Variants in TRPV3 observed in about 807,000 individuals in gnomAD.
TRPV3 encodes VRL-3.
A neutral mutation model predicts 87.1 loss-of-function variants in TRPV3; 88 were observed. That is an observed-to-expected ratio of 1.01 (90% CI 0.85 to 1.21). TRPV3 has a LOEUF of 1.21. Ranked by LOEUF, TRPV3 falls within the 50% of genes most tolerant of loss-of-function variation. The pLI is 0.00. For missense variants in TRPV3, 1,054 were observed against 1,030.1 expected (o/e 1.02, Z -0.32); for synonymous variants, 438 against 423.3 (o/e 1.03, Z -0.43).
intron 8 of TRPV3, 145 bp downstream of exon 8, chr17:3,532,512 C>T: frequency 1.8e-6 from 2 of 1,085,812 alleles, no homozygotes; most frequent in Non-Finnish European, 2.6e-6. Flanking sequence ...CGCCACGCCA[C>T]TGCAGTTCTG....
At chr17:3,517,439 T>G (rs2074192657) in intron 15 of TRPV3, among the ~76,000 whole-genome samples, 1 of 151,312 alleles carries the variant, frequency 6.6e-6, no homozygotes, top group Non-Finnish European at 1.5e-5. Context: ...GGCAACATGG[T>G]GAAACCCCAT....
At chr17:3,516,854 C>G (rs2074188074) in intron 15 of TRPV3, among the ~76,000 whole-genome samples, 1 of 152,190 alleles carries the variant, frequency 6.6e-6, no homozygotes, top group Non-Finnish European at 1.5e-5. Flanking sequence ...ACTAAAAACA[C>G]AAAAATTAGG....
At chr17:3,522,591 G>A (rs879501200) in intron 13 of TRPV3, among the ~76,000 whole-genome samples, 6 of 149,346 alleles carry the variant, frequency 4.0e-5, no homozygotes, top group African/African-American at 7.4e-5. Flanking sequence ...AGGCCGAGGC[G>A]GACGGATCAC....
intron 2 of TRPV3, 34 bp downstream of exon 2, chr17:3,554,698 G>T: frequency 2.0e-6 from 3 of 1,475,594 alleles, no homozygotes; most frequent in Non-Finnish European, 1.9e-6. Context: ...CCCTCACAGT[G>T]CCGCAGTCCG....
Position 3,556,374 on chromosome 17 carries a change from G to A in TRPV3, c.-3+1302C>T, listed in dbSNP as rs1479882600. 6.6e-6 allele frequency among the ~76,000 whole-genome samples: 1 copy of A among 151,616 alleles called. No individual in the cohort carries two copies. Among genetic ancestry groups the A allele is most frequent in the Non-Finnish European group, 1.5e-5 (1 of 67,882 alleles). ...CTGCAGGGGCCATAGGGACGGGGAA[G>A]GGGGCCAGCTGGCCACAGAGGGATG... On this transcript the variant is annotated intron_variant, in intron 1 of 17. Transcript: ENST00000576742. This position sits in a 1 kb window ranked among gnomAD's most constrained non-coding sequence, Gnocchi z 4.2.
At chr17:3,526,308 T>C (rs1357066306) in intron 12 of TRPV3, among the ~76,000 whole-genome samples, 1 of 152,018 alleles carries the variant, frequency 6.6e-6, no homozygotes, top group African/African-American at 2.4e-5. Context: ...CGAAACCCTG[T>C]CTCTACTAAA....
intron 12 of TRPV3, 140 bp downstream of exon 12, chr17:3,526,714 C>T: frequency 4.4e-6 from 3 of 688,430 alleles, no homozygotes; most frequent in Non-Finnish European, 7.7e-6. Flanking sequence ...AGAGAGGAGA[C>T]CCCTGGCGTG....
rs1380066940 is a variant in TRPV3, at chr17:3,512,021, AG to A, written c.*1895del. The A allele has an allele frequency of 6.6e-6, 1 of 152,202 alleles. No homozygotes were observed. Among genetic ancestry groups the A allele is most frequent in the Non-Finnish European group, 1.5e-5 (1 of 68,042 alleles). 9.4% of individuals were successfully genotyped at this position (152,202 alleles called of 1,614,324 possible). ...TGATTTGTACAATCTCCAGGCTAAA[AG>A]GGACCTTAAACTTCTTCCAATGACC... On this transcript the variant is annotated 3_prime_UTR_variant, in exon 18 of 18. Transcript: ENST00000576742.
chr17:3,515,006 C>G (rs2074164755), intron 16 of TRPV3, among the ~76,000 whole-genome samples: 1 of 152,116 alleles, frequency 6.6e-6, no homozygotes, highest in Non-Finnish European at 1.5e-5. Flanking sequence ...CGGGGACAGA[C>G]AGAGGGAGGG....
intron 2 of TRPV3, among the ~76,000 whole-genome samples, chr17:3,550,351 T>C (rs1209572582): frequency 6.6e-6 from 1 of 151,906 alleles, no homozygotes; most frequent in Non-Finnish European, 1.5e-5. Context: ...CAGAAAGCCA[T>C]ATCACAAGAG....
In TRPV3 at chr17:3,530,559, G is replaced by C. The variant is rs2074340656; in HGVS notation, c.1066-356C>G. On this transcript the variant is annotated intron_variant, in intron 8 of 17. Transcript: ENST00000576742. This position sits in a 1 kb window ranked among gnomAD's most constrained non-coding sequence, Gnocchi z 4.0. Reference sequence around the variant, plus strand: ...GATTTTTTAGAAACAGTTTCCATTTGCTCTGGACTTGAGAAGAAGCCAGAA... The same window carrying C: ...GATTTTTTAGAAACAGTTTCCATTTCCTCTGGACTTGAGAAGAAGCCAGAA... Among the ~76,000 whole-genome samples the C allele has an allele frequency of 6.6e-6, 1 of 152,184 alleles. No homozygotes were observed. The highest frequency in any genetic ancestry group is 1.5e-5 in the Non-Finnish European group (1 of 68,038).
At chr17:3,520,035 C>A (rs113185926) in intron 14 of TRPV3, among the ~76,000 whole-genome samples, 2,774 of 151,346 alleles carry the variant, frequency 0.018, 99 homozygotes, top group African/African-American at 0.064. Flanking sequence ...GGTGGATGAG[C>A]AAATTAAATG....
At chr17:3,546,050 C>T (rs1473625238) in intron 2 of TRPV3, among the ~76,000 whole-genome samples, 3 of 151,296 alleles carry the variant, frequency 2.0e-5, no homozygotes, top group South Asian at 2.1e-4. Context: ...TGTGAGGCTT[C>T]GATTCTGCTT....
Position 3,543,062 on chromosome 17 carries a change from C to T in TRPV3, c.467-364G>A, listed in dbSNP as rs148777820. 1.7e-3 allele frequency among the ~76,000 whole-genome samples: 264 copies of T among 152,066 alleles called. 4 individuals carry two copies. In the East Asian group the frequency reaches 0.039, roughly 23 times the overall value. The stretch of plus-strand genomic sequence containing the variant: ...CCATCAACCTGATACTGCACTGGTC[C>T]CCGAGACACCCAGGGCTCCACCAGC... On this transcript the variant is annotated intron_variant, in intron 5 of 17. Transcript: ENST00000576742.
chr17:3,519,349 T>C (rs1258619924), intron 14 of TRPV3, among the ~76,000 whole-genome samples: 1 of 150,942 alleles, frequency 6.6e-6, no homozygotes, highest in Non-Finnish European at 1.5e-5. Flanking sequence ...GATGGATGGA[T>C]GGATGGATAT....
At chr17:3,537,695 G>A (rs1184092852) in intron 6 of TRPV3, among the ~76,000 whole-genome samples, 1 of 151,626 alleles carries the variant, frequency 6.6e-6, no homozygotes, top group African/African-American at 2.4e-5. Context: ...CTTGAGGTCA[G>A]GAGTTCGAGA....
intron 6 of TRPV3, 56 bp from the exon 7 acceptor site, chr17:3,535,769 G>A: frequency 2.1e-6 from 3 of 1,409,966 alleles, no homozygotes; most frequent in Non-Finnish European, 2.8e-6. Flanking sequence ...GGGGCCTCTT[G>A]CCCACCCGCT....
intron 11 of TRPV3, 43 bp downstream of exon 11, chr17:3,527,982 C>T (rs1241006893): frequency 3.3e-6 from 5 of 1,507,472 alleles, no homozygotes; most frequent in Non-Finnish European, 4.6e-6. Flanking sequence ...TGTCACCTGC[C>T]TGCCTCGCGG....
rs113159495 is a variant in TRPV3 at position 3,542,953 on chromosome 17, G to A, written c.467-255C>T. On this transcript the variant is annotated intron_variant, in intron 5 of 17. Coordinates refer to ENST00000576742, the MANE Select transcript of TRPV3 (RefSeq NM_145068.4). Reference sequence around the variant, plus strand: ...CTCTTTGCCCACTGTATGGCTTCCCGCTGTCCACCCCCCTGCTGCCACCCT... The same window carrying A: ...CTCTTTGCCCACTGTATGGCTTCCCACTGTCCACCCCCCTGCTGCCACCCT... Among the ~76,000 whole-genome samples the A allele has an allele frequency of 6.2e-3, 942 of 151,820 alleles. 10 individuals are homozygous for A. The highest frequency in any genetic ancestry group is 0.019 in the South Asian group (91 of 4,774).
Sources: allele counts gnomAD v4.1 joint callset (sites outside exome capture counted in the v4.1 genomes callset), GRCh38; gene constraint gnomAD v4.1.1; non-coding constraint Gnocchi (gnomAD v3.1); transcripts MANE v1.5; gene names NCBI Gene and HGNC (gene_info 2026-07-23, HGNC 2026-07-21).